NEDD4L: variants seen among roughly 807,000 people sequenced by gnomAD.
NEDD4L encodes the protein NEDD4 like E3 ubiquitin protein ligase.
A neutral mutation model predicts 148.9 loss-of-function variants in NEDD4L; 54 were observed. That is an observed-to-expected ratio of 0.36 (90% CI 0.29 to 0.45). The LOEUF (loss-of-function observed/expected upper bound fraction) is 0.45. NEDD4L is among the 20% of genes least tolerant of loss of function. The pLI is 1.00. For synonymous variants in NEDD4L, 433 were observed against 440.7 expected (o/e 0.98, Z 0.22); for missense variants, 856 against 1,233.8 (o/e 0.69, Z 4.59).
At chr18:58,128,809 A>C (rs1165333317) in intron 1 of NEDD4L, among the ~76,000 whole-genome samples, 1 of 152,230 alleles carries the variant, frequency 6.6e-6, no homozygotes, top group Non-Finnish European at 1.5e-5. Context: ...TGTAGAGGGC[A>C]GTGGTGGTTT....
chr18:58,322,118 C>G (rs759368004), intron 6 of NEDD4L, among the ~76,000 whole-genome samples: 8 of 152,188 alleles, frequency 5.3e-5, no homozygotes, highest in Non-Finnish European at 1.2e-4. Flanking sequence ...GCTGGTTCTC[C>G]GAAGTGAATC....
intron 1 of NEDD4L, among the ~76,000 whole-genome samples, chr18:58,143,840 C>T (rs561548466): frequency 6.6e-5 from 10 of 152,236 alleles, no homozygotes; most frequent in South Asian, 2.1e-4. Context: ...TTTACAGCTA[C>T]GTGCTAGGTT....
chr18:58,162,271 C>A (rs2036309260), intron 1 of NEDD4L, among the ~76,000 whole-genome samples: 1 of 152,090 alleles, frequency 6.6e-6, no homozygotes, highest in African/African-American at 2.4e-5. Context: ...TTCACCCTCT[C>A]CTGAAGCTGG....
At chr18:58,224,229 A>G (rs2044101004) in intron 2 of NEDD4L, among the ~76,000 whole-genome samples, 1 of 152,226 alleles carries the variant, frequency 6.6e-6, no homozygotes, top group South Asian at 2.1e-4. Context: ...GCCTCCTCTG[A>G]CTAAGGTCAG....
chr18:58,102,083 T>G (rs570817783), intron 1 of NEDD4L, among the ~76,000 whole-genome samples: 8 of 152,188 alleles, frequency 5.3e-5, no homozygotes, highest in Non-Finnish European at 1.0e-4. Flanking sequence ...TTTCCTCTGT[T>G]TTTCTTTCCC....
In NEDD4L at chr18:58,343,034, C is replaced by A; in HGVS notation, c.1506C>A (p.Gly502=). The change falls in exon 16 of 31, where the codon GGC becomes GGA. Residue 502 remains glycine (G), a synonymous_variant. Coordinates refer to ENST00000400345, the MANE Select transcript of NEDD4L (RefSeq NM_001144967.3). Reference sequence around the variant, plus strand: ...TCACACAGAGCTTCTTGCCACCCGGCTGGGAAATGAGGATAGCGCCAAACG... The same window carrying A: ...TCACACAGAGCTTCTTGCCACCCGGATGGGAAATGAGGATAGCGCCAAACG... ...HKVTQSFLPP[G]WEMRIAPNGR... is the part of the protein sequence containing the mutation. The A allele has an allele frequency of 3.1e-6, 5 of 1,613,526 alleles. No individual in the cohort carries two copies. The highest frequency in any genetic ancestry group is 4.2e-6 in the Non-Finnish European group (5 of 1,179,648).
intron 2 of NEDD4L, among the ~76,000 whole-genome samples, chr18:58,213,606 G>A (rs1352226161): frequency 6.6e-6 from 1 of 152,160 alleles, no homozygotes; most frequent in Non-Finnish European, 1.5e-5. Context: ...TGGTGGGAGA[G>A]TGGGGTGGCA....
chr18:58,132,356 G>A (rs181731541), intron 1 of NEDD4L, among the ~76,000 whole-genome samples: 3 of 152,306 alleles, frequency 2.0e-5, no homozygotes, highest in East Asian at 3.9e-4. Context: ...ATGGGTCCAA[G>A]GGCTGCTGTA....
intron 1 of NEDD4L, among the ~76,000 whole-genome samples, chr18:58,164,349 C>T (rs186584218): frequency 8.3e-4 from 127 of 152,240 alleles, no homozygotes; most frequent in Admixed American, 2.4e-3. Flanking sequence ...ACTAAAATGG[C>T]ACCAAAAGAA....
intron 5 of NEDD4L, chr18:58,255,546 T>A: frequency 4.1e-6 from 5 of 1,231,504 alleles, no homozygotes; most frequent in Non-Finnish European, 5.1e-6. Flanking sequence ...GATGGGACAC[T>A]TTTTCTTGGA....
chr18:58,263,882 A>C (rs2049839006), intron 5 of NEDD4L, among the ~76,000 whole-genome samples: 1 of 149,596 alleles, frequency 6.7e-6, no homozygotes, highest in South Asian at 2.1e-4. Context: ...GCTAGGAGTT[A>C]CATTGCAGAA....
intron 19 of NEDD4L, chr18:58,359,937 A>G (rs1306238027): frequency 2.6e-5 from 4 of 152,204 alleles, no homozygotes; most frequent in African/African-American, 9.7e-5. Context: ...CTTTGACTCA[A>G]AAGGTCTCAT....
chr18:58,114,525 T>G (rs2085646096), intron 1 of NEDD4L, among the ~76,000 whole-genome samples: 1 of 152,222 alleles, frequency 6.6e-6, no homozygotes, highest in South Asian at 2.1e-4. Context: ...GTATAGTACT[T>G]GACATACATG....
chr18:58,279,666 T>C (rs1173870903), intron 5 of NEDD4L, among the ~76,000 whole-genome samples: 1 of 152,226 alleles, frequency 6.6e-6, no homozygotes, highest in Non-Finnish European at 1.5e-5. Flanking sequence ...GTCTGAGAGC[T>C]GGGACTTTGC....
chr18:58,059,367 C>T (rs867793521), intron 1 of NEDD4L, among the ~76,000 whole-genome samples: 2 of 152,272 alleles, frequency 1.3e-5, no homozygotes, highest in Middle Eastern at 3.4e-3. Flanking sequence ...GTTGCAGACC[C>T]ATGTTTGATT....
At chr18:58,337,124 ATCCCGGGTGGCACGT>A (rs1284566081) in intron 13 of NEDD4L, among the ~76,000 whole-genome samples, 1 of 152,014 alleles carries the variant, frequency 6.6e-6, no homozygotes, top group African/African-American at 2.4e-5. Flanking sequence ...TCTGAATGAG[ATCCCGGGTGGCACGT>A]TAGACTGCCA....
rs559561743 is a variant in NEDD4L, at chr18:58,277,953, T to A, written c.297+25899T>A. Among the ~76,000 whole-genome samples the A allele has an allele frequency of 1.4e-3, 215 of 152,284 alleles. 1 individual carries two copies. The highest frequency in any genetic ancestry group is 2.6e-3 in the Non-Finnish European group (176 of 68,022). The stretch of plus-strand genomic sequence containing the variant: ...ATACCCAAGGGATTCCAACACAGGG[T>A]GTCCATGGTCCTCTTTGAGAAAACT... On this transcript the variant is annotated intron_variant, in intron 5 of 30. Transcript: ENST00000400345.
intron 5 of NEDD4L, among the ~76,000 whole-genome samples, chr18:58,282,213 G>A (rs1460454655): frequency 3.3e-5 from 5 of 151,158 alleles, no homozygotes; most frequent in African/African-American, 1.2e-4. Context: ...CCATTTGTTC[G>A]TTGTGTTTAT....
In NEDD4L at chr18:58,325,155, A is replaced by G. The variant is rs1243405379; in HGVS notation, c.673A>G (p.Ser225Gly). The G allele has an allele frequency of 6.2e-7, 1 of 1,613,896 alleles. No individual in the cohort carries two copies. The highest frequency in any genetic ancestry group is 1.3e-5 in the African/African-American group (1 of 75,072). Residue 225 changes from serine (S) to glycine (G), a missense_variant, in exon 9 of 31, where the codon AGC becomes GGC. Physicochemically the swap from Ser to Gly is moderately conservative, Grantham distance 56. This residue lies in a region of NEDD4L where 10 missense variants were observed against 35.1 expected (regional missense o/e 0.29). Transcript: ENST00000400345. ...CCGGACCACTCAGTGGCACAGACCA[A>G]GCCTGATGTGAGTACCGTGTGATGG... ...NNRTTQWHRP[S>G]LMDVSSESDN...
Sources: gnomAD v4.1 joint callset for allele counts (sites outside exome capture counted in the v4.1 genomes callset) on GRCh38, gnomAD v4.1.1 for gene constraint, gnomAD v4.1.1 regional missense constraint, MANE v1.5 for transcripts, NCBI Gene and HGNC (gene_info 2026-07-23, HGNC 2026-07-21) for gene names.